The following ADAMTS18 variants were observed in gnomAD, a reference collection of about 807,000 sequenced individuals.
ADAMTS18 encodes A disintegrin and metalloproteinase with thrombospondin motifs 18.
In ADAMTS18, 157 loss-of-function variants were observed where a neutral mutation model predicts 165.9. The observed-to-expected ratio is 0.95, with a 90% CI of 0.83 to 1.08. The LOEUF (loss-of-function observed/expected upper bound fraction) is 1.08. Ranked by LOEUF, ADAMTS18 falls within the 50% of genes least tolerant of loss-of-function variation. ADAMTS18 has a pLI of 0.00. For synonymous variants in ADAMTS18, 782 were observed against 578.2 expected (o/e 1.35, Z -5.06); for missense variants, 2,040 against 1,534.0 (o/e 1.33, Z -5.51).
chr16:77,363,861 T>C lies in ADAMTS18; in HGVS notation c.997A>G (p.Thr333Ala). 5.0e-6 allele frequency: 8 copies of C among 1,614,020 alleles called. No individual in the cohort carries two copies. The highest frequency in any genetic ancestry group is 5.9e-6 in the Non-Finnish European group (7 of 1,179,980). Residue 333 changes from threonine (T) to alanine (A), a missense_variant, in exon 6 of 23, where the codon ACT becomes GCT. Transcript: ENST00000282849. ...ACCACGTTTATGTCACTTCCAATAG[T>C]CCCATCTTTAAATAGGCCAGAAACC... ...NMVSGLFKDGTIGSDINVVVV... is the reference protein window; with the variant it reads ...NMVSGLFKDGAIGSDINVVVV...
chr16:77,309,028 T>C (rs2055732136), intron 16 of ADAMTS18, among the ~76,000 whole-genome samples: 1 of 152,234 alleles, frequency 6.6e-6, no homozygotes, highest in Non-Finnish European at 1.5e-5. Context: ...ATCTTCTGGA[T>C]GACTAACAAG....
intron 3 of ADAMTS18, among the ~76,000 whole-genome samples, chr16:77,386,346 A>G (rs182799976): frequency 6.6e-6 from 1 of 152,318 alleles, no homozygotes; most frequent in Admixed American, 6.5e-5. Context: ...AACCAATTTT[A>G]TAAAATAGAC....
chr16:77,355,035 A>C (rs973072725), intron 9 of ADAMTS18, among the ~76,000 whole-genome samples: 1 of 152,170 alleles, frequency 6.6e-6, no homozygotes, highest in African/African-American at 2.4e-5. Flanking sequence ...TTGTGTATAG[A>C]TCTTACTAAT....
At position 77,359,435 on chromosome 16, in the gene ADAMTS18, G is replaced by A; in HGVS notation, c.1217-12C>T. 1 of 1,609,272 alleles carries A rather than the reference G, an allele frequency of 6.2e-7. No homozygotes were observed. Among genetic ancestry groups the A allele is most frequent in the Non-Finnish European group, 8.5e-7 (1 of 1,177,290 alleles). ...GATGGGGGCAAACCCTATTGAAAGA[G>A]CAGTTTCAAATGTGAATCCAAAGGT... On this transcript the variant is annotated splice_polypyrimidine_tract_variant and intron_variant, in intron 7 of 22. Transcript: ENST00000282849.
intron 3 of ADAMTS18, among the ~76,000 whole-genome samples, chr16:77,390,931 G>A (rs1453638886): frequency 6.6e-6 from 1 of 152,186 alleles, no homozygotes; most frequent in Non-Finnish European, 1.5e-5. Flanking sequence ...AGTCTGGAAA[G>A]TTCTATGGAA....
chr16:77,339,575 G>A (rs974894197), intron 11 of ADAMTS18, among the ~76,000 whole-genome samples: 34 of 148,354 alleles, frequency 2.3e-4, no homozygotes, highest in Non-Finnish European at 2.8e-4. Flanking sequence ...ATCCCTTATA[G>A]GTAACGATGT....
chr16:77,372,139 G>A (rs1463457768), intron 3 of ADAMTS18, among the ~76,000 whole-genome samples: 1 of 152,184 alleles, frequency 6.6e-6, no homozygotes, highest in African/African-American at 2.4e-5. Flanking sequence ...TGGATGTGGA[G>A]AAATGAGAAC....
intron 19 of ADAMTS18, 111 bp from the exon 20 acceptor site, chr16:77,293,369 T>A: frequency 1.0e-6 from 1 of 965,370 alleles, no homozygotes; most frequent in Non-Finnish European, 1.6e-6. Context: ...ATAAACTCCA[T>A]GAACTAAAGC....
intron 3 of ADAMTS18, among the ~76,000 whole-genome samples, chr16:77,407,027 C>T (rs1278097091): frequency 6.6e-6 from 1 of 152,010 alleles, no homozygotes; most frequent in African/African-American, 2.4e-5. Flanking sequence ...ATTCATACCC[C>T]AGACCTCAAC....
chr16:77,379,562 C>T (rs544227126), intron 3 of ADAMTS18, among the ~76,000 whole-genome samples: 2 of 152,138 alleles, frequency 1.3e-5, no homozygotes, highest in Non-Finnish European at 2.9e-5. Context: ...TATTTCGGCT[C>T]ACTGCAACCT....
intron 19 of ADAMTS18, among the ~76,000 whole-genome samples, chr16:77,293,794 A>G (rs2055413990): frequency 6.7e-6 from 1 of 149,228 alleles, no homozygotes; most frequent in Non-Finnish European, 1.5e-5. Context: ...AGTTCACAAC[A>G]GGGTTCAAAC....
At chr16:77,358,600 T>C (rs1361003914) in intron 8 of ADAMTS18, among the ~76,000 whole-genome samples, 3 of 152,134 alleles carry the variant, frequency 2.0e-5, no homozygotes, top group African/African-American at 7.2e-5. Context: ...CATATAAAAA[T>C]ACCAACTATG....
At chr16:77,416,563 G>A (rs900368517) in intron 3 of ADAMTS18, among the ~76,000 whole-genome samples, 1 of 152,188 alleles carries the variant, frequency 6.6e-6, no homozygotes, top group Non-Finnish European at 1.5e-5. Context: ...CTGCCACCAT[G>A]TAAGATGTGC....
chr16:77,322,594 T>C, intron 13 of ADAMTS18, 128 bp from the exon 14 acceptor site: 1 of 1,193,798 alleles, frequency 8.4e-7, no homozygotes, highest in Non-Finnish European at 1.2e-6. Context: ...TGTGTGTGTT[T>C]GCACATATAA....
chr16:77,376,317 G>A (rs187401844), intron 3 of ADAMTS18, among the ~76,000 whole-genome samples: 9 of 152,180 alleles, frequency 5.9e-5, no homozygotes, highest in Admixed American at 3.9e-4. Flanking sequence ...ATAGCAAGGG[G>A]GAAATCCACC....
At chr16:77,398,402 AGTGG>A (rs1567540319) in intron 3 of ADAMTS18, among the ~76,000 whole-genome samples, 1 of 152,126 alleles carries the variant, frequency 6.6e-6, no homozygotes, top group Non-Finnish European at 1.5e-5. Flanking sequence ...AACCCCAGGG[AGTGG>A]TATAACAATC....
chr16:77,384,517 A>G (rs372903834), intron 3 of ADAMTS18, among the ~76,000 whole-genome samples: 15 of 152,342 alleles, frequency 9.8e-5, no homozygotes, highest in African/African-American at 3.6e-4. Flanking sequence ...CTAAGAGGAC[A>G]AAGTTAGGGC....
At chr16:77,294,840 A>G (rs2055434774) in intron 19 of ADAMTS18, 83 bp downstream of exon 19, 4 of 1,328,804 alleles carry the variant, frequency 3.0e-6, no homozygotes, top group Middle Eastern at 2.2e-4. Flanking sequence ...TAAACTGCCA[A>G]GAGCCCAGTG....
intron 11 of ADAMTS18, among the ~76,000 whole-genome samples, 155 bp downstream of exon 11, chr16:77,341,549 G>C (rs1429752422): frequency 6.6e-6 from 1 of 152,126 alleles, no homozygotes; most frequent in Non-Finnish European, 1.5e-5. Context: ...TTAGCATTAA[G>C]CTTTGTAATT....
Sources: allele counts gnomAD v4.1 joint callset (sites outside exome capture counted in the v4.1 genomes callset), GRCh38; gene constraint gnomAD v4.1.1; transcripts MANE v1.5; gene names NCBI Gene and HGNC (gene_info 2026-07-23, HGNC 2026-07-21).